STK24: variants seen among roughly 807,000 people sequenced by gnomAD.
The protein encoded by STK24 is serine/threonine kinase 24.
A neutral mutation model predicts 55.6 loss-of-function variants in STK24; 21 were observed. That is an observed-to-expected ratio of 0.38 (90% CI 0.27 to 0.54). The LOEUF is 0.54. Ranked by LOEUF, STK24 falls within the 20% of genes least tolerant of loss-of-function variation. The pLI is 0.79. For synonymous variants in STK24, 200 were observed against 215.2 expected, an observed-to-expected ratio of 0.93 and a Z score of 0.62; for missense variants, 383 against 538.4, an observed-to-expected ratio of 0.71 and a Z score of 2.86.
At chr13:98,521,879 G>C in intron 1 of STK24, 2 of 858,350 alleles carry the variant, frequency 2.3e-6, no homozygotes. Flanking sequence ...ATAAGGCTTC[G>C]TCAGTAACCC....
rs1893092050 is a variant in STK24, at chr13:98,449,670, T to C, written c.*3503A>G. On this transcript the variant is annotated 3_prime_UTR_variant, in exon 11 of 11. Coordinates refer to ENST00000539966, the MANE Select transcript of STK24 (RefSeq NM_001032296.4). ...CGAAGAGCCTGCCGTGTGTTAATCA[T>C]TTGCCTTACAAGATGTACCAGACGG... The C allele has an allele frequency of 6.6e-6, 1 of 152,516 alleles. No individual in the cohort carries two copies. Among genetic ancestry groups the C allele is most frequent in the South Asian group, 2.1e-4 (1 of 4,812 alleles). The allele number at this position is 152,516 out of a possible 1,614,324, so 9.4% of individuals were successfully genotyped here.
In STK24 at chr13:98,446,338, G is replaced by C. The variant is rs1055473601; in HGVS notation, c.*6835C>G. 1.6e-6 allele frequency: 1 copy of C among 637,658 alleles called. No homozygotes were observed. Among genetic ancestry groups the C allele is most frequent in the East Asian group, 2.7e-5 (1 of 37,336 alleles). The allele number at this position is 637,658 out of a possible 1,614,324, so 39.5% of individuals were successfully genotyped here. A position where few individuals can be genotyped will look rare whatever the true frequency, so the allele number is the denominator to read the frequency against. On this transcript the variant is annotated 3_prime_UTR_variant, in exon 11 of 11. Transcript: ENST00000539966. ...TCACGGGGATGACAGGGATGCTGGCGGGGGGCCCTGTCCACCCGAGGCCCT... is the reference window on the plus strand; with the variant it reads ...TCACGGGGATGACAGGGATGCTGGCCGGGGGCCCTGTCCACCCGAGGCCCT...
chr13:98,461,670 C>A, intron 8 of STK24, 104 bp downstream of exon 8: 1 of 1,511,278 alleles, frequency 6.6e-7, no homozygotes, highest in South Asian at 1.2e-5. Flanking sequence ...AGGACAGCTG[C>A]CACAAAGGAC....
Position 98,475,647 on chromosome 13 carries a change from G to A in STK24, c.331-289C>T, listed in dbSNP as rs1424494081. 1.2e-4 allele frequency among the ~76,000 whole-genome samples: 18 copies of A among 152,200 alleles called. 1 individual carries two copies. The highest frequency in any genetic ancestry group is 1.2e-3 in the Admixed American group (18 of 15,288). Reference sequence around the variant, plus strand: ...CGCCTGCGCCTGCAGCTGACCACAGGGCGACCCCCTGGCCATGGCAGGGGC... The same window carrying A: ...CGCCTGCGCCTGCAGCTGACCACAGAGCGACCCCCTGGCCATGGCAGGGGC... On this transcript the variant is annotated intron_variant, in intron 3 of 10. Coordinates refer to ENST00000539966, the MANE Select transcript of STK24 (RefSeq NM_001032296.4).
chr13:98,449,029 T>C lies in STK24; in HGVS notation c.*4144A>G, dbSNP rs947236508. On this transcript the variant is annotated 3_prime_UTR_variant, in exon 11 of 11. Coordinates refer to ENST00000539966, the MANE Select transcript of STK24 (RefSeq NM_001032296.4). Reference sequence around the variant, plus strand: ...TGTTTTCTGTTAAGCAAAGCCGAGATCCAGTGCAATACCTGGACTGTCACC... The same window carrying C: ...TGTTTTCTGTTAAGCAAAGCCGAGACCCAGTGCAATACCTGGACTGTCACC... The C allele has an allele frequency of 6.6e-6, 1 of 152,228 alleles. No homozygotes were observed. The highest frequency in any genetic ancestry group is 2.4e-5 in the African/African-American group (1 of 41,442). 9.4% of individuals were successfully genotyped at this position (152,228 alleles called of 1,614,324 possible). A position where few individuals can be genotyped will look rare whatever the true frequency, so the allele number is the denominator to read the frequency against.
At chr13:98,518,957 A>C (rs1441201531) in intron 2 of STK24, among the ~76,000 whole-genome samples, 4 of 100,924 alleles carry the variant, frequency 4.0e-5, no homozygotes, top group Non-Finnish European at 1.0e-4. Context: ...AATAACTGTT[A>C]TAATAACTTA....
intron 2 of STK24, among the ~76,000 whole-genome samples, chr13:98,498,948 T>G (rs1188983448): frequency 6.6e-6 from 1 of 151,662 alleles, no homozygotes; most frequent in African/African-American, 2.4e-5. Flanking sequence ...TCCTCAACGG[T>G]TCCTTTGAAA....
chr13:98,482,451 A>C (rs1455449379), intron 2 of STK24, 130 bp from the exon 3 acceptor site: 4 of 561,486 alleles, frequency 7.1e-6, no homozygotes, highest in African/African-American at 5.8e-5. Flanking sequence ...CAGCACGGGA[A>C]GTGTGTCAAA....
chr13:98,465,918 G>A (rs2139266221), intron 6 of STK24, among the ~76,000 whole-genome samples: 1 of 152,336 alleles, frequency 6.6e-6, no homozygotes, highest in South Asian at 2.1e-4. Context: ...GGAAGGGGAG[G>A]GGAAGAAGCA....
rs558913715 is a variant in STK24, at chr13:98,469,920, G to A, written c.598-3359C>T. ...CAAACTTGTTAAAACCAATTACTTC[G>A]ATTCCTAGGCATCTCTACTACATTT... is the stretch of plus-strand genomic sequence containing the variant. On this transcript the variant is annotated intron_variant, in intron 5 of 10. Transcript: ENST00000539966. Among the ~76,000 whole-genome samples, 58 of 152,288 alleles carry A rather than the reference G, an allele frequency of 3.8e-4. 1 individual carries two copies. The highest frequency in any genetic ancestry group is 2.4e-3 in the Admixed American group (37 of 15,304).
rs576521319 is a variant in STK24 at position 98,560,452 on chromosome 13, T to C, written c.42+16293A>G. Among the ~76,000 whole-genome samples, 3 of 152,352 alleles carry C rather than the reference T, an allele frequency of 2.0e-5. No homozygotes were observed. The South Asian group carries it at 6.2e-4, about 32-fold the overall frequency. On this transcript the variant is annotated intron_variant, in intron 1 of 10. Transcript: ENST00000539966. Reference sequence around the variant, plus strand: ...TTTTAAGTCATAATATTGGCACTTATCCTGCAAATCTCCTTCTCATCTGAG... The same window carrying C: ...TTTTAAGTCATAATATTGGCACTTACCCTGCAAATCTCCTTCTCATCTGAG...
At chr13:98,562,537 C>T (rs1320534970) in intron 1 of STK24, among the ~76,000 whole-genome samples, 1 of 152,154 alleles carries the variant, frequency 6.6e-6, no homozygotes, top group African/African-American at 2.4e-5. Context: ...ATTTCAAAAA[C>T]ACTCTCATTT....
intron 4 of STK24, 36 bp from the exon 5 acceptor site, chr13:98,475,014 G>A (rs776331485): frequency 1.3e-5 from 21 of 1,577,734 alleles, no homozygotes; most frequent in South Asian, 2.3e-5. Flanking sequence ...TGGGCGGTGC[G>A]GACTTACAAC....
At chr13:98,570,400 G>C (rs1897709416) in intron 1 of STK24, among the ~76,000 whole-genome samples, 1 of 152,164 alleles carries the variant, frequency 6.6e-6, no homozygotes, top group Admixed American at 6.5e-5. Flanking sequence ...ACCTGTAACA[G>C]TTCTTTCAAA....
intron 1 of STK24, among the ~76,000 whole-genome samples, chr13:98,554,043 T>C (rs1594665611): frequency 7.2e-6 from 1 of 138,088 alleles, no homozygotes; most frequent in African/African-American, 2.8e-5. Flanking sequence ...GCCTGGGTGA[T>C]GGGCGATGGA....
In STK24 at chr13:98,450,572, G is replaced by C. The variant is rs1489335250; in HGVS notation, c.*2601C>G. 2 of 152,400 alleles carry C rather than the reference G, an allele frequency of 1.3e-5. No individual in the cohort carries two copies. The highest frequency in any genetic ancestry group is 6.5e-5 in the Admixed American group (1 of 15,280). 9.4% of individuals were successfully genotyped at this position (152,400 alleles called of 1,614,324 possible). ...CAGGACACAGCTCAAAAACGCAGGA[G>C]CTACCAGCCACCCAGTCCACGGCCC... On this transcript the variant is annotated 3_prime_UTR_variant, in exon 11 of 11. Transcript: ENST00000539966.
intron 7 of STK24, 56 bp from the exon 8 acceptor site, chr13:98,461,953 G>A (rs767461454): frequency 5.6e-6 from 9 of 1,599,452 alleles, no homozygotes; most frequent in Middle Eastern, 3.6e-4. Flanking sequence ...CTCTGGGGGC[G>A]CTGGGACGTT....
At chr13:98,533,305 G>A (rs1180525331) in intron 1 of STK24, among the ~76,000 whole-genome samples, 1 of 152,232 alleles carries the variant, frequency 6.6e-6, no homozygotes, top group Non-Finnish European at 1.5e-5. Context: ...GTTGCAGTGA[G>A]CTGAAATTGC....
At chr13:98,560,231 TCCACTCAACG>T (rs1897384199) in intron 1 of STK24, among the ~76,000 whole-genome samples, 1 of 152,330 alleles carries the variant, frequency 6.6e-6, no homozygotes, top group African/African-American at 2.4e-5. Flanking sequence ...CAGCCAAGCA[TCCACTCAACG>T]CTGCTCAACG....
Sources: gnomAD v4.1 joint callset for allele counts (sites outside exome capture counted in the v4.1 genomes callset) on GRCh38, gnomAD v4.1.1 for gene constraint, MANE v1.5 for transcripts, NCBI Gene and HGNC (gene_info 2026-07-23, HGNC 2026-07-21) for gene names.